ADGRG1: variants seen among roughly 807,000 people sequenced by gnomAD.
ADGRG1 encodes 7-transmembrane protein with no EGF-like N-terminal domains-1.
Under a neutral mutation model 73.5 loss-of-function variants are expected in ADGRG1, and 53 were observed. The ratio of observed to expected loss-of-function variants is 0.72; its 90% confidence interval spans 0.58 to 0.91. The LOEUF is 0.91. ADGRG1 is among the 40% of genes least tolerant of loss of function. The pLI, the probability that ADGRG1 is intolerant of heterozygous loss-of-function variation, is 0.00. For missense variants in ADGRG1, 795 were observed against 871.8 expected, an observed-to-expected ratio of 0.91 and a Z score of 1.11; for synonymous variants, 394 against 374.4, an observed-to-expected ratio of 1.05 and a Z score of -0.60.
chr16:57,661,443 G>A, intron 12 of ADGRG1: 1 of 985,068 alleles, frequency 1.0e-6, no homozygotes, highest in Non-Finnish European at 1.2e-6. Flanking sequence ...GAAATTTTCA[G>A]CTCTTTATGT....
At chr16:57,628,138 C>CGGCTCCCTCCCACCCG (rs28364727), upstream of ADGRG1, 1 of 985,178 alleles carries the variant, frequency 1.0e-6, no homozygotes, top group African/African-American at 1.7e-5. Flanking sequence ...GCCTGTCACC[C>CGGCTCCCTCCCACCCG]GCTCCCTCCC....
intron 5 of ADGRG1, 145 bp from the exon 6 acceptor site, chr16:57,655,254 T>C (rs1353163460): frequency 6.4e-7 from 1 of 1,558,770 alleles, no homozygotes; most frequent in African/African-American, 1.3e-5. Context: ...AGGAGGGCTG[T>C]CATGAGTCAG....
chr16:57,633,537 G>T (rs1217716287), intron 1 of ADGRG1: 21 of 984,604 alleles, frequency 2.1e-5, no homozygotes, highest in Non-Finnish European at 2.5e-5. Context: ...GCACGAGGTG[G>T]GCTGTTAGGG....
rs553055993 is a variant in ADGRG1, at chr16:57,661,853, G to A, written c.1821G>A (p.Leu607=). ...TQKWSHVLTL[L]GLSLVLGLPW... is the part of the protein sequence containing the mutation. ...AGTGGTCACATGTGCTGACACTGCT[G>A]GGCCTCAGCCTGGTCCTTGGCCTGC... The change falls in exon 13 of 14, where the codon CTG becomes CTA. Residue 607 remains leucine, a synonymous_variant. Coordinates refer to ENST00000562631, the MANE Select transcript of ADGRG1 (RefSeq NM_201525.4). The A allele has an allele frequency of 4.0e-5, 65 of 1,614,200 alleles. No homozygotes were observed. The South Asian group carries it at 5.9e-4, about 15-fold the overall frequency.
intron 1 of ADGRG1, among the ~76,000 whole-genome samples, chr16:57,644,558 C>A (rs951685067): frequency 2.8e-5 from 4 of 143,672 alleles, no homozygotes; most frequent in Non-Finnish European, 6.0e-5. Flanking sequence ...CATGCACACA[C>A]GGACACTTAT....
upstream of ADGRG1, chr16:57,623,205 A>G (rs1596918303): frequency 5.1e-6 from 5 of 980,000 alleles, no homozygotes; most frequent in South Asian, 1.9e-4. Flanking sequence ...AGTGCTAAAC[A>G]GGGGTTCACC....
In ADGRG1 at chr16:57,647,100, G is replaced by A. The variant is rs2042855458; in HGVS notation, c.-35-3153G>A. On this transcript the variant is annotated intron_variant, in intron 1 of 13. Coordinates refer to ENST00000562631, the MANE Select transcript of ADGRG1 (RefSeq NM_201525.4). ...GGGCAGGTGGCAGGTGTGTGTGCGT[G>A]GGGCAGACCTGGAGGGGTGGCATAG... 3.0e-6 allele frequency: 3 copies of A among 985,312 alleles called. No homozygotes were observed. The African/African-American group carries it at 5.2e-5, about 17-fold the overall frequency. The allele number at this position is 985,312 out of a possible 1,614,324, so 61.0% of individuals were successfully genotyped here. A position where few individuals can be genotyped will look rare whatever the true frequency, so the allele number is the denominator to read the frequency against.
At chr16:57,644,700 ACGGG>A (rs879630003) in intron 1 of ADGRG1, among the ~76,000 whole-genome samples, 2,020 of 113,464 alleles carry the variant, frequency 0.018, 20 homozygotes, top group Non-Finnish European at 0.026. Flanking sequence ...ACACACATGC[ACGGG>A]CACACACTGA....
rs1036516164 is a variant in ADGRG1, at chr16:57,643,752, G to A, written c.-35-6501G>A. ...CCAGTGATCCTGGAATACCCCTCTT[G>A]GGGAGCTCTCTGTGGTCACCTAGCT... On this transcript the variant is annotated intron_variant, in intron 1 of 13. Coordinates refer to ENST00000562631, the MANE Select transcript of ADGRG1 (RefSeq NM_201525.4). 7.1e-6 allele frequency: 7 copies of A among 984,670 alleles called. No individual in the cohort carries two copies. The African/African-American group carries it at 1.2e-4, about 17-fold the overall frequency. 61.0% of individuals were successfully genotyped at this position (984,670 alleles called of 1,614,324 possible).
In ADGRG1 at chr16:57,659,313, G is replaced by A. The variant is rs751023130; in HGVS notation, c.1287-100G>A. On this transcript the variant is annotated intron_variant, in intron 10 of 13. Coordinates refer to ENST00000562631, the MANE Select transcript of ADGRG1 (RefSeq NM_201525.4). ...CCATGTATGACTGCATGTGTGTGTC[G>A]GGGTGGGGGGCAGTCTGGGAAGGCT... The A allele has an allele frequency of 7.9e-5, 126 of 1,598,124 alleles. 1 individual carries two copies. Among genetic ancestry groups the A allele is most frequent in the African/African-American group, 5.3e-5 (4 of 74,770 alleles).
chr16:57,629,070 G>A (rs2036969199), intron 1 of ADGRG1: 1 of 630,868 alleles, frequency 1.6e-6, no homozygotes, highest in African/African-American at 2.0e-5. Flanking sequence ...GAGTGTGAGT[G>A]TGAGTGTGGG....
Position 57,655,460 on chromosome 16 carries a change from CG to C in ADGRG1, c.831del (p.Gly279AlafsTer44), listed in dbSNP as rs1567781589. On this transcript the variant is annotated frameshift_variant, in exon 6 of 14. Coordinates refer to ENST00000562631, the MANE Select transcript of ADGRG1 (RefSeq NM_201525.4). LOFTEE classifies it high-confidence loss of function. ...CTGCCTCGAACACTCTTCCAGAGGA[CG>C]AAAGGCCGGAGCGGGGAGGCTGAGA... ...VLLPRTLFQRTKGRSGEAEKR... is the reference protein window; with the variant it reads ...VLLPRTLFQRXKGRSGEAEKR... The C allele has an allele frequency of 6.2e-7, 1 of 1,613,746 alleles. No homozygotes were observed. Among genetic ancestry groups the C allele is most frequent in the Non-Finnish European group, 8.5e-7 (1 of 1,179,986 alleles).
At chr16:57,622,337 A>G (rs1220982783) in intron 2 of ADGRG1, among the ~76,000 whole-genome samples, 1 of 152,116 alleles carries the variant, frequency 6.6e-6, no homozygotes, top group Non-Finnish European at 1.5e-5. Flanking sequence ...GGTGGCGTCT[A>G]GGTGGAGTGA....
chr16:57,650,387 C>T (rs1403729218), intron 2 of ADGRG1, 36 bp downstream of exon 2: 2 of 1,609,066 alleles, frequency 1.2e-6, no homozygotes, highest in Non-Finnish European at 1.7e-6. Context: ...GCTGTTGGAA[C>T]TTACGTTAAA....
At chr16:57,622,483 A>T (rs1011719467) in intron 2 of ADGRG1, among the ~76,000 whole-genome samples, 22 of 152,192 alleles carry the variant, frequency 1.4e-4, no homozygotes, top group Non-Finnish European at 5.9e-5. Flanking sequence ...CCTGAGGTGC[A>T]GAGGACACCG....
intron 1 of ADGRG1, chr16:57,647,357 CG>C: frequency 1.6e-5 from 16 of 981,650 alleles, no homozygotes; most frequent in Non-Finnish European, 1.9e-5. Flanking sequence ...TGCTGGGGGC[CG>C]TACGGGAAGA....
chr16:57,630,863 G>A (rs2037656364), intron 1 of ADGRG1: 1 of 744,150 alleles, frequency 1.3e-6, no homozygotes, highest in Non-Finnish European at 1.6e-6. Context: ...GAAAACATTT[G>A]GGGAACGATA....
rs1188044266 is a variant in ADGRG1 at position 57,628,750 on chromosome 16, T to C, written c.-88T>C. 3.0e-6 allele frequency: 3 copies of C among 985,388 alleles called. No individual in the cohort carries two copies. Among genetic ancestry groups the C allele is most frequent in the Middle Eastern group, 1.0e-3 (2 of 1,936 alleles). The allele number at this position is 985,388 out of a possible 1,614,324, so 61.0% of individuals were successfully genotyped here. On this transcript the variant is annotated 5_prime_UTR_variant, in exon 1 of 14. Coordinates refer to ENST00000562631, the MANE Select transcript of ADGRG1 (RefSeq NM_201525.4). ...AGGTTAAGCCTCTGGGGGTGGATCC[T>C]GAAAGGTGGTCCAGCCGCCTGGCCC...
chr16:57,648,341 A>T, intron 1 of ADGRG1: 1 of 486,192 alleles, frequency 2.1e-6, no homozygotes, highest in Non-Finnish European at 2.7e-6. Flanking sequence ...AATGCTTACA[A>T]ATCACAACCT....
Sources: gnomAD v4.1 joint callset for allele counts (sites outside exome capture counted in the v4.1 genomes callset) on GRCh38, gnomAD v4.1.1 for gene constraint, MANE v1.5 for transcripts, NCBI Gene and HGNC (gene_info 2026-07-23, HGNC 2026-07-21) for gene names.